Variants in ZFAT observed in about 807,000 individuals in gnomAD.
ZFAT encodes the protein zinc finger and AT-hook domain containing.
A neutral mutation model predicts 117.7 loss-of-function variants in ZFAT; 64 were observed. The ratio of observed to expected loss-of-function variants is 0.54; its 90% CI spans 0.44 to 0.67. The LOEUF is 0.67. Ranked by LOEUF, ZFAT falls within the 30% of genes least tolerant of loss-of-function variation. The probability of loss-of-function intolerance (pLI) is 0.00; values close to 1 mark genes in which losing one functional copy is unlikely to be tolerated. For missense variants in ZFAT, 1,433 were observed against 1,584.5 expected (o/e 0.90, Z 1.62); for synonymous variants, 679 against 615.0 (o/e 1.10, Z -1.54).
At chr8:134,520,746 G>GAA in intron 13 of ZFAT, 137 bp downstream of exon 13, 1 of 675,526 alleles carries the variant, frequency 1.5e-6, no homozygotes, top group Middle Eastern at 2.5e-4. Context: ...GACATCATTT[G>GAA]AAAACGTTTC....
intron 3 of ZFAT, among the ~76,000 whole-genome samples, chr8:134,625,652 G>A (rs1586841240): frequency 6.6e-6 from 1 of 152,348 alleles, no homozygotes. Context: ...CCCAACAATA[G>A]CACAAGTTCA....
intron 1 of ZFAT, among the ~76,000 whole-genome samples, chr8:134,677,040 G>C (rs1832840234): frequency 6.6e-6 from 1 of 151,798 alleles, no homozygotes; most frequent in Admixed American, 6.6e-5. Context: ...AAAAGAACTA[G>C]AGAAGAGCAA....
At chr8:134,794,953 C>T in the ZFAT span, 1 of 152,128 alleles carries the variant, frequency 6.6e-6, no homozygotes, top group Admixed American at 6.6e-5. Context: ...ATCTAGTCCT[C>T]CTAACAACCT....
intron 15 of ZFAT, among the ~76,000 whole-genome samples, chr8:134,496,681 C>G (rs1016500351): frequency 3.3e-5 from 5 of 152,256 alleles, no homozygotes; most frequent in Non-Finnish European, 7.3e-5. Flanking sequence ...ACCAAATTGT[C>G]ACCTGCTCTC....
intron 7 of ZFAT, among the ~76,000 whole-genome samples, chr8:134,593,698 C>G (rs1185934491): frequency 1.3e-5 from 2 of 152,230 alleles, no homozygotes; most frequent in Non-Finnish European, 2.9e-5. Context: ...CTCATCTGGT[C>G]TATGCCTTAG....
At chr8:134,719,987 G>A in the ZFAT span, among the ~76,000 whole-genome samples, 8 of 152,184 alleles carry the variant, frequency 5.3e-5, no homozygotes, top group African/African-American at 1.4e-4. Flanking sequence ...ACTTGCTTTC[G>A]CCATGGAACA....
chr8:134,709,329 G>T (rs1813900709), intron 1 of ZFAT, among the ~76,000 whole-genome samples: 1 of 152,220 alleles, frequency 6.6e-6, no homozygotes, highest in South Asian at 2.1e-4. Context: ...TTTCCTGAAT[G>T]CCATCAGCAG....
chr8:134,533,038 C>T lies in ZFAT; in HGVS notation c.2977-66G>A, dbSNP rs1382125861. The T allele has an allele frequency of 7.1e-6, 11 of 1,542,670 alleles. No individual in the cohort carries two copies. The African/African-American group carries it at 1.1e-4, about 15-fold the overall frequency. Reference sequence around the variant, plus strand: ...AGATGTCTGCCTTCGCTGCTGCTCCCACCTGGTGAGCATCTGACACCCTGA... The same window carrying T: ...AGATGTCTGCCTTCGCTGCTGCTCCTACCTGGTGAGCATCTGACACCCTGA... On this transcript the variant is annotated intron_variant, in intron 11 of 15. Transcript: ENST00000377838.
At chr8:134,810,575 C>T in the ZFAT span, among the ~76,000 whole-genome samples, 4 of 152,130 alleles carry the variant, frequency 2.6e-5, no homozygotes, top group Non-Finnish European at 5.9e-5. Context: ...CTGGAAGAGG[C>T]CACACCTGTT....
intron 7 of ZFAT, among the ~76,000 whole-genome samples, chr8:134,592,985 CCAGGCA>C (rs1180131336): frequency 2.6e-5 from 4 of 152,222 alleles, no homozygotes; most frequent in Non-Finnish European, 4.4e-5. Context: ...AGTTTTCTGG[CCAGGCA>C]ATGCCACAGA....
At chr8:134,708,558 T>C (rs192412066) in intron 1 of ZFAT, among the ~76,000 whole-genome samples, 2 of 152,328 alleles carry the variant, frequency 1.3e-5, no homozygotes, top group Non-Finnish European at 2.9e-5. Context: ...CAATCATCTA[T>C]ATATTTTGTG....
At position 134,601,543 on chromosome 8, in the gene ZFAT, G is replaced by C. The variant is rs750142945; in HGVS notation, c.2176C>G (p.Gln726Glu). ...CGCTCACACAAGCTGGTGTTCATTT[G>C]CTTCTTCTGTAAACTGTTCAGGACC... ...MKVLNSLQKK[Q>E]MNTSLCERIR... Residue 726 changes from glutamine to glutamate, a missense_variant, in exon 6 of 16, where the codon CAA becomes GAA. Gln to Glu is a conservative substitution (Grantham distance 29, BLOSUM62 2). Around this residue, in one of 5 missense-constraint regions of ZFAT, gnomAD observed 372 missense variants for 355.6 expected, o/e 1.05. Transcript: ENST00000377838. 4.2e-5 allele frequency: 68 copies of C among 1,614,096 alleles called. No homozygotes were observed. Among genetic ancestry groups the C allele is most frequent in the Middle Eastern group, 3.3e-4 (2 of 6,084 alleles).
At chr8:134,706,197 C>T (rs1834147686) in intron 1 of ZFAT, among the ~76,000 whole-genome samples, 3 of 152,170 alleles carry the variant, frequency 2.0e-5, no homozygotes, top group Admixed American at 2.0e-4. Context: ...TAAATATCCA[C>T]AAAAAGGCTT....
At chr8:134,522,623 A>G (rs1246700289) in intron 12 of ZFAT, among the ~76,000 whole-genome samples, 2 of 152,132 alleles carry the variant, frequency 1.3e-5, no homozygotes, top group African/African-American at 2.4e-5. Flanking sequence ...CCACGTCCTC[A>G]GCTACTTCTC....
intron 11 of ZFAT, among the ~76,000 whole-genome samples, chr8:134,549,204 G>A (rs1195587927): frequency 2.0e-5 from 3 of 152,138 alleles, no homozygotes; most frequent in Non-Finnish European, 4.4e-5. Flanking sequence ...CACTTTGGGA[G>A]GCCGAGGCAG....
At chr8:134,716,296 T>G (rs1286567543), upstream of ZFAT, among the ~76,000 whole-genome samples, 3 of 152,068 alleles carry the variant, frequency 2.0e-5, no homozygotes, top group African/African-American at 4.8e-5. Context: ...ATAGGCACAT[T>G]GTAGAAAATA....
chr8:134,683,471 G>C (rs1198102752), intron 1 of ZFAT, among the ~76,000 whole-genome samples: 1 of 152,198 alleles, frequency 6.6e-6, no homozygotes, highest in African/African-American at 2.4e-5. Flanking sequence ...AGATCCCTGT[G>C]GCTGGAGCAC....
At chr8:134,492,602 G>A (rs192339351) in intron 15 of ZFAT, among the ~76,000 whole-genome samples, 57 of 152,298 alleles carry the variant, frequency 3.7e-4, no homozygotes, top group African/African-American at 1.4e-3. Context: ...CCAAGCAATA[G>A]CTTCCTTTTC....
chr8:134,637,413 C>T (rs1830282642), intron 3 of ZFAT, 48 bp downstream of exon 3: 5 of 1,572,658 alleles, frequency 3.2e-6, no homozygotes, highest in Non-Finnish European at 4.3e-6. Flanking sequence ...TTAGCAGATA[C>T]ACCTCTTCAT....
Sources: gnomAD v4.1 joint callset for allele counts (sites outside exome capture counted in the v4.1 genomes callset) on GRCh38, gnomAD v4.1.1 for gene constraint, gnomAD v4.1.1 regional missense constraint, MANE v1.5 for transcripts, NCBI Gene and HGNC (gene_info 2026-07-23, HGNC 2026-07-21) for gene names.